The following SHC3 variants were observed in gnomAD, a reference collection of about 807,000 sequenced individuals.
SHC3 encodes the protein SHC adaptor protein 3.
A neutral mutation model predicts 60.4 loss-of-function variants in SHC3; 15 were observed. The observed-to-expected ratio is 0.25, with a 90% CI of 0.17 to 0.38. SHC3 has a LOEUF of 0.38. Among genes scored for constraint, SHC3 ranks in the 10% least tolerant of loss-of-function variants. The probability of loss-of-function intolerance (pLI) is 1.00; values close to 1 mark genes in which losing one functional copy is unlikely to be tolerated. For missense variants in SHC3, 677 were observed against 786.1 expected, an observed-to-expected ratio of 0.86 and a Z score of 1.66; for synonymous variants, 294 against 325.9, an observed-to-expected ratio of 0.90 and a Z score of 1.05.
At chr9:89,026,846 T>C (rs1230125089) in intron 11 of SHC3, among the ~76,000 whole-genome samples, 1 of 152,204 alleles carries the variant, frequency 6.6e-6, no homozygotes, top group African/African-American at 2.4e-5. Context: ...CTCTCTTTCA[T>C]GCTCCTGTGG....
intron 1 of SHC3, among the ~76,000 whole-genome samples, chr9:89,115,115 A>T (rs905956389): frequency 6.6e-6 from 1 of 152,178 alleles, no homozygotes; most frequent in African/African-American, 2.4e-5. Flanking sequence ...GTAGAGTACC[A>T]CCTGCATCAA....
chr9:89,155,794 G>A (rs946123141), intron 1 of SHC3, among the ~76,000 whole-genome samples: 1 of 152,078 alleles, frequency 6.6e-6, no homozygotes, highest in Admixed American at 6.5e-5. Context: ...AACTGACTTG[G>A]CACCTGAGGG....
At chr9:89,030,091 T>C (rs1301678007) in intron 11 of SHC3, among the ~76,000 whole-genome samples, 1 of 151,822 alleles carries the variant, frequency 6.6e-6, no homozygotes, top group Non-Finnish European at 1.5e-5. Flanking sequence ...CCAGATAAAA[T>C]AGATTTTAAA....
intron 2 of SHC3, among the ~76,000 whole-genome samples, chr9:89,083,291 G>A (rs1825475169): frequency 6.6e-6 from 1 of 152,222 alleles, no homozygotes; most frequent in Non-Finnish European, 1.5e-5. Flanking sequence ...AAGCCTCAAT[G>A]CCAAAGAAGC....
chr9:89,156,623 GT>G (rs1826627462), intron 1 of SHC3, among the ~76,000 whole-genome samples: 1 of 152,064 alleles, frequency 6.6e-6, no homozygotes, highest in Admixed American at 6.5e-5. Flanking sequence ...TTGGTTCCCT[GT>G]AAAAACCAAA....
chr9:89,031,945 CCACAGCA>C (rs1465635054), intron 11 of SHC3, among the ~76,000 whole-genome samples: 4 of 152,166 alleles, frequency 2.6e-5, no homozygotes, highest in African/African-American at 9.7e-5. Flanking sequence ...TGAGTCCCCT[CCACAGCA>C]CAGCCATTGA....
At chr9:89,078,395 C>T (rs1287580866) in intron 2 of SHC3, among the ~76,000 whole-genome samples, 1 of 152,012 alleles carries the variant, frequency 6.6e-6, no homozygotes, top group East Asian at 1.9e-4. Flanking sequence ...CCAGTTTCTG[C>T]GGTTAGTGAA....
chr9:89,134,731 T>A (rs1006931252), intron 1 of SHC3, among the ~76,000 whole-genome samples: 1 of 152,090 alleles, frequency 6.6e-6, no homozygotes, highest in Non-Finnish European at 1.5e-5. Context: ...TACTAACGAA[T>A]GCAGGTTTCT....
chr9:89,133,759 C>A (rs1034025406), intron 1 of SHC3, among the ~76,000 whole-genome samples: 1 of 151,830 alleles, frequency 6.6e-6, no homozygotes, highest in Non-Finnish European at 1.5e-5. Flanking sequence ...TGGGGCCTGT[C>A]ATGGGGTGGG....
intron 11 of SHC3, among the ~76,000 whole-genome samples, chr9:89,014,598 G>T (rs2118633600): frequency 6.6e-6 from 1 of 152,284 alleles, no homozygotes. Context: ...GTTTCCAGGA[G>T]CCCATCCTTT....
At chr9:89,177,058 T>C (rs991470338) in intron 1 of SHC3, among the ~76,000 whole-genome samples, 4 of 152,166 alleles carry the variant, frequency 2.6e-5, no homozygotes, top group African/African-American at 7.2e-5. Flanking sequence ...AGTGGCAGGA[T>C]TGAAATACTG....
Position 89,038,161 on chromosome 9 carries a change from G to A in SHC3, c.1488C>T (p.Ala496=), listed in dbSNP as rs145557666. 162 of 1,613,864 alleles carry A rather than the reference G, an allele frequency of 1.0e-4. No individual in the cohort carries two copies. The highest frequency in any genetic ancestry group is 6.9e-4 in the African/African-American group (52 of 74,844). The part of the protein sequence containing the change: ...PDAKMLEELQ[A]ETWYQGEMSR... ...TCATCTCTCCTTGGTACCAAGTCTC[G>A]GCTTGCAGTTCCTCCAGCATCTTGG... The change falls in exon 11 of 12, where the codon GCC becomes GCT. Residue 496 remains alanine, a synonymous_variant. Transcript: ENST00000375835.
At chr9:89,161,034 G>A (rs1172868342) in intron 1 of SHC3, among the ~76,000 whole-genome samples, 1 of 151,682 alleles carries the variant, frequency 6.6e-6, no homozygotes, top group Non-Finnish European at 1.5e-5. Context: ...CCATTCCTCT[G>A]TCGTCTGTCG....
chr9:89,043,127 A>G (rs1781990172), intron 9 of SHC3, among the ~76,000 whole-genome samples: 2 of 152,152 alleles, frequency 1.3e-5, no homozygotes, highest in African/African-American at 4.8e-5. Context: ...GGTGTGTTGA[A>G]GCCAGCTCAA....
chr9:89,086,577 G>C (rs1354826975), intron 2 of SHC3, among the ~76,000 whole-genome samples: 2 of 152,166 alleles, frequency 1.3e-5, no homozygotes, highest in Non-Finnish European at 2.9e-5. Context: ...GTCTTGCTGG[G>C]TTTTTATAGA....
intron 11 of SHC3, among the ~76,000 whole-genome samples, chr9:89,022,797 T>C (rs1297048830): frequency 6.6e-6 from 1 of 152,158 alleles, no homozygotes; most frequent in African/African-American, 2.4e-5. Context: ...TTATTTTAAG[T>C]GCATCTTATT....
intron 8 of SHC3, among the ~76,000 whole-genome samples, 188 bp downstream of exon 8, chr9:89,046,656 C>T (rs375409655): frequency 6.6e-6 from 1 of 152,170 alleles, no homozygotes; most frequent in African/African-American, 2.4e-5. Flanking sequence ...TTGGCCAATG[C>T]TTTATGATGT....
chr9:89,107,635 C>T (rs1362197579), intron 2 of SHC3, among the ~76,000 whole-genome samples: 1 of 152,148 alleles, frequency 6.6e-6, no homozygotes, highest in Non-Finnish European at 1.5e-5. Context: ...GGCCATGAAA[C>T]ATGTTTAGAA....
intron 3 of SHC3, among the ~76,000 whole-genome samples, chr9:89,077,013 C>T (rs564582277): frequency 6.6e-6 from 1 of 151,700 alleles, no homozygotes; most frequent in Non-Finnish European, 1.5e-5. Context: ...CCCATCTCTA[C>T]TAAAAATACA....
Sources: allele counts gnomAD v4.1 joint callset (sites outside exome capture counted in the v4.1 genomes callset), GRCh38; gene constraint gnomAD v4.1.1; transcripts MANE v1.5; gene names NCBI Gene and HGNC (gene_info 2026-07-23, HGNC 2026-07-21).